WWOX: variants seen among roughly 807,000 people sequenced by gnomAD.
The protein encoded by WWOX is WW domain-containing oxidoreductase.
In WWOX, 69 loss-of-function variants were observed where a neutral mutation model predicts 46.2. That is an observed-to-expected ratio of 1.49 (90% CI 1.23 to 1.82). The LOEUF is 1.82. WWOX is among the 40% of genes most tolerant of loss of function. The pLI is 0.00. For missense variants in WWOX, 919 were observed against 542.6 expected, an observed-to-expected ratio of 1.69 and a Z score of -6.89; for synonymous variants, 359 against 202.6, an observed-to-expected ratio of 1.77 and a Z score of -6.56.
intron 8 of WWOX, among the ~76,000 whole-genome samples, chr16:78,768,110 A>G (rs2049969501): frequency 1.3e-5 from 2 of 150,622 alleles, no homozygotes; most frequent in African/African-American, 2.4e-5. Flanking sequence ...TTACCGGGTA[A>G]TTGTAATTCT....
At chr16:78,163,683 G>T (rs898611914) in intron 4 of WWOX, among the ~76,000 whole-genome samples, 3 of 152,210 alleles carry the variant, frequency 2.0e-5, no homozygotes, top group Admixed American at 6.5e-5. Flanking sequence ...ATTGTTCTCA[G>T]TAGGAAATGG....
chr16:78,572,011 A>G (rs1026118871), intron 8 of WWOX, among the ~76,000 whole-genome samples: 2 of 152,232 alleles, frequency 1.3e-5, no homozygotes, highest in African/African-American at 2.4e-5. Context: ...TGAAACAGCC[A>G]TTTTGGAAAA....
At chr16:78,768,160 G>A in intron 8 of WWOX, among the ~76,000 whole-genome samples, 1 of 150,784 alleles carries the variant, frequency 6.6e-6, no homozygotes, top group Admixed American at 6.7e-5. Flanking sequence ...TGCGGGGCGG[G>A]GGGGTCGGTT....
intron 8 of WWOX, among the ~76,000 whole-genome samples, chr16:79,143,312 G>A (rs1032464539): frequency 1.1e-4 from 16 of 152,168 alleles, no homozygotes; most frequent in Admixed American, 5.2e-4. Context: ...AACTGTTACC[G>A]CCTAACACAT....
intron 8 of WWOX, among the ~76,000 whole-genome samples, chr16:78,833,856 G>C (rs1415693024): frequency 6.6e-6 from 1 of 152,240 alleles, no homozygotes; most frequent in African/African-American, 2.4e-5. Flanking sequence ...GCTGGCTCAT[G>C]CGTTTCATGC....
At chr16:79,178,303 C>T (rs1468316212) in intron 8 of WWOX, among the ~76,000 whole-genome samples, 2 of 152,056 alleles carry the variant, frequency 1.3e-5, no homozygotes, top group East Asian at 3.9e-4. Context: ...TTTGCTGATC[C>T]CTGTTTTATT....
intron 8 of WWOX, among the ~76,000 whole-genome samples, chr16:78,475,035 A>G (rs2151438910): frequency 6.6e-6 from 1 of 152,350 alleles, no homozygotes; most frequent in African/African-American, 2.4e-5. Context: ...TAACAGTGCT[A>G]ACATAGCCAG....
At chr16:78,423,041 A>G (rs2082989431) in intron 6 of WWOX, among the ~76,000 whole-genome samples, 2 of 151,924 alleles carry the variant, frequency 1.3e-5, no homozygotes, top group African/African-American at 2.4e-5. Context: ...GTGTGCCACC[A>G]CGCTGGGCTA....
chr16:78,384,396 G>A (rs886128587), intron 5 of WWOX, among the ~76,000 whole-genome samples: 4 of 152,112 alleles, frequency 2.6e-5, no homozygotes, highest in South Asian at 2.1e-4. Flanking sequence ...AGGCATCAGC[G>A]TCTCTGTGGG....
intron 8 of WWOX, chr16:78,896,770 A>C (rs888833477): frequency 6.6e-6 from 1 of 151,916 alleles, no homozygotes; most frequent in African/African-American, 2.4e-5. Flanking sequence ...TGTGTGTGTG[A>C]GAGAGAGAGA....
chr16:78,572,679 A>AGT (rs1234402631), intron 8 of WWOX, among the ~76,000 whole-genome samples: 1 of 152,014 alleles, frequency 6.6e-6, no homozygotes, highest in African/African-American at 2.4e-5. Flanking sequence ...GAAAGCTTAA[A>AGT]GTATAGGCAA....
intron 8 of WWOX, among the ~76,000 whole-genome samples, chr16:78,567,605 G>A (rs972068003): frequency 6.7e-6 from 1 of 148,214 alleles, no homozygotes; most frequent in Non-Finnish European, 1.5e-5. Context: ...TATTCTGAAA[G>A]GTTCCCAAGC....
intron 5 of WWOX, among the ~76,000 whole-genome samples, chr16:78,231,064 G>T (rs1040784529): frequency 6.6e-6 from 1 of 152,224 alleles, no homozygotes; most frequent in Non-Finnish European, 1.5e-5. Flanking sequence ...AGACTGGGAC[G>T]TGAACTGACA....
At chr16:78,540,020 T>TCTCTCTCTCTCACA (rs369075883) in intron 8 of WWOX, among the ~76,000 whole-genome samples, 8 of 132,854 alleles carry the variant, frequency 6.0e-5, no homozygotes, top group South Asian at 2.4e-4. Context: ...TCTCTCTCTC[T>TCTCTCTCTCTCACA]CACACACACA....
intron 8 of WWOX, among the ~76,000 whole-genome samples, chr16:79,049,288 C>T (rs1258360694): frequency 6.6e-6 from 1 of 152,168 alleles, no homozygotes; most frequent in Non-Finnish European, 1.5e-5. Flanking sequence ...TTGCCTTTGT[C>T]AAGGAAGTAA....
intron 8 of WWOX, among the ~76,000 whole-genome samples, chr16:78,854,582 GT>G: frequency 6.6e-6 from 1 of 152,166 alleles, no homozygotes; most frequent in Middle Eastern, 3.4e-3. Flanking sequence ...TTGCTAATTT[GT>G]TTCTTTTTTT....
rs148037739 is a variant in WWOX at position 78,387,686 on chromosome 16, T to C, written c.605+738T>C. On this transcript the variant is annotated intron_variant, in intron 6 of 8. Coordinates refer to ENST00000566780, the MANE Select transcript of WWOX (RefSeq NM_016373.4). ...AAGCTACACTAATTACAATACTTTG[T>C]TTCCAAGTGTTTATTTTTACTCATA... is the stretch of plus-strand genomic sequence containing the variant. Among the ~76,000 whole-genome samples, 508 of 152,258 alleles carry C rather than the reference T, an allele frequency of 3.3e-3. 1 individual carries two copies. Among genetic ancestry groups the C allele is most frequent in the African/African-American group, 0.011 (473 of 41,550 alleles).
chr16:78,715,783 G>C (rs1283169687), intron 8 of WWOX, among the ~76,000 whole-genome samples: 1 of 152,108 alleles, frequency 6.6e-6, no homozygotes, highest in South Asian at 2.1e-4. Flanking sequence ...AGCCGTGTCT[G>C]ACCATTTTAT....
intron 8 of WWOX, among the ~76,000 whole-genome samples, chr16:78,686,397 G>C (rs1375393707): frequency 6.6e-6 from 1 of 152,130 alleles, no homozygotes; most frequent in African/African-American, 2.4e-5. Flanking sequence ...TGTAGTCCCA[G>C]CTAGTCGGGA....
Sources: allele counts gnomAD v4.1 joint callset (sites outside exome capture counted in the v4.1 genomes callset), GRCh38; gene constraint gnomAD v4.1.1; transcripts MANE v1.5; gene names NCBI Gene and HGNC (gene_info 2026-07-23, HGNC 2026-07-21).